Variants in BYSL observed in about 807,000 individuals in gnomAD.
The protein encoded by BYSL is bystin like, also known as bystin.
A neutral mutation model predicts 45.4 loss-of-function variants in BYSL; 21 were observed. That is an observed-to-expected ratio of 0.46 (90% CI 0.33 to 0.67). The LOEUF is 0.67. Ranked by LOEUF, BYSL falls within the 30% of genes least tolerant of loss-of-function variation. The pLI is 0.02. For synonymous variants in BYSL, 215 were observed against 231.3 expected, an observed-to-expected ratio of 0.93 and a Z score of 0.64; for missense variants, 522 against 578.5, an observed-to-expected ratio of 0.90 and a Z score of 1.00.
intron 1 of BYSL, 126 bp downstream of exon 1, chr6:41,921,956 G>C (rs1321248269): frequency 2.2e-6 from 3 of 1,349,550 alleles, no homozygotes; most frequent in Admixed American, 2.8e-5. Flanking sequence ...ACTTGCAAAG[G>C]AGACTGAACC....
chr6:41,922,279 A>G (rs1775495541), intron 1 of BYSL, among the ~76,000 whole-genome samples: 1 of 152,264 alleles, frequency 6.6e-6, no homozygotes, highest in Non-Finnish European at 1.5e-5. Flanking sequence ...CCTGGTAACA[A>G]TAGCATTGGT....
upstream of BYSL, among the ~76,000 whole-genome samples, chr6:41,918,641 G>A (rs551358611): frequency 3.5e-3 from 524 of 149,546 alleles, no homozygotes; most frequent in Non-Finnish European, 5.8e-3. Context: ...GTGAAACCCC[G>A]TCTCTACCAA....
chr6:41,926,529 C>T (rs2127385289), intron 1 of BYSL, among the ~76,000 whole-genome samples: 2 of 152,032 alleles, frequency 1.3e-5, no homozygotes, highest in East Asian at 4.0e-4. Flanking sequence ...TGGCTCACTG[C>T]AACCTCCACC....
Position 41,930,787 on chromosome 6 carries a change from C to CG in BYSL, c.704+24dup. 1.2e-6 allele frequency: 2 copies of CG among 1,606,498 alleles called. No individual in the cohort carries two copies. The highest frequency in any genetic ancestry group is 1.7e-6 in the Non-Finnish European group (2 of 1,177,342). On this transcript the variant is annotated intron_variant, in intron 4 of 6. Coordinates refer to ENST00000230340, the MANE Select transcript of BYSL (RefSeq NM_004053.4). ...CCACCAGGTAGAGTAGCTGGGGGTT[C>CG]GGGGGCCTTGGGTTTATAGGTGCAG...
upstream of BYSL, among the ~76,000 whole-genome samples, chr6:41,917,265 T>C (rs918050501): frequency 2.0e-5 from 3 of 152,036 alleles, no homozygotes; most frequent in African/African-American, 7.3e-5. Flanking sequence ...CTGGGCGTGG[T>C]AGCGGACGCC....
At chr6:41,925,546 G>T (rs2127385024) in intron 1 of BYSL, among the ~76,000 whole-genome samples, 1 of 151,932 alleles carries the variant, frequency 6.6e-6, no homozygotes, top group East Asian at 1.9e-4. Context: ...TGTATTTTTA[G>T]TAGAGACGGG....
intron 2 of BYSL, chr6:41,927,775 A>C (rs1408805632): frequency 2.2e-6 from 1 of 459,722 alleles, no homozygotes; most frequent in East Asian, 4.0e-5. Flanking sequence ...TTGCCAGGGA[A>C]ACAGTTCCAG....
At chr6:41,929,620 T>C (rs1291742734) in intron 2 of BYSL, among the ~76,000 whole-genome samples, 1 of 152,202 alleles carries the variant, frequency 6.6e-6, no homozygotes, top group Non-Finnish European at 1.5e-5. Context: ...AACAATACTG[T>C]TTAAGGAGGC....
At chr6:41,921,024 C>A (rs183725849), upstream of BYSL, 255 of 1,613,004 alleles carry the variant, frequency 1.6e-4, 3 homozygotes, top group East Asian at 4.8e-3. Context: ...CCCATGGCGT[C>A]GGGCCAGGAA....
the BYSL span, chr6:41,909,106 C>G: frequency 1.1e-6 from 1 of 885,144 alleles, no homozygotes; most frequent in Non-Finnish European, 1.7e-6. Flanking sequence ...CCCTGGAGGT[C>G]GAGGCTACAG....
At chr6:41,924,808 C>A (rs546493457) in intron 1 of BYSL, among the ~76,000 whole-genome samples, 2 of 152,252 alleles carry the variant, frequency 1.3e-5, no homozygotes, top group African/African-American at 4.8e-5. Context: ...AACATAGAGA[C>A]CAGTGGGCGA....
rs1334135214 is a variant in BYSL at position 41,930,312 on chromosome 6, G to A, written c.570+42G>A. 6 of 1,589,892 alleles carry A rather than the reference G, an allele frequency of 3.8e-6. No individual in the cohort carries two copies. In the South Asian group the frequency reaches 4.5e-5, roughly 12 times the overall value. On this transcript the variant is annotated intron_variant, in intron 3 of 6. Transcript: ENST00000230340. ...GAGCCATGGTGGAAGACCCCTTTGG[G>A]GGCTGTGGGCTCCTGCCACAGGCTT...
At position 41,921,725 on chromosome 6, in the gene BYSL, A is replaced by G. The variant is rs778763224; in HGVS notation, c.163A>G (p.Ser55Gly). Reference sequence around the variant, plus strand: ...GGAAGAGTATGTGGGGCCCCGGCTGAGCCGACGGATTTTGCAGCAAGCACG... The same window carrying G: ...GGAAGAGTATGTGGGGCCCCGGCTGGGCCGACGGATTTTGCAGCAAGCACG... ...AEEEYVGPRL[S>G]RRILQQARQQ... Residue 55 changes from serine to glycine, a missense_variant, in exon 1 of 7, where the codon AGC becomes GGC. Coordinates refer to ENST00000230340, the MANE Select transcript of BYSL (RefSeq NM_004053.4). 5 of 1,613,500 alleles carry G rather than the reference A, an allele frequency of 3.1e-6. No individual in the cohort carries two copies. The highest frequency in any genetic ancestry group is 4.2e-6 in the Non-Finnish European group (5 of 1,179,874).
intron 1 of BYSL, among the ~76,000 whole-genome samples, chr6:41,923,387 C>G (rs1297150237): frequency 6.6e-6 from 1 of 151,880 alleles, no homozygotes; most frequent in Non-Finnish European, 1.5e-5. Flanking sequence ...ACCTCTGCCA[C>G]CTAGGTCCAA....
chr6:41,910,420 T>G, the BYSL span, among the ~76,000 whole-genome samples: 4 of 151,526 alleles, frequency 2.6e-5, no homozygotes, highest in African/African-American at 9.7e-5. Flanking sequence ...TCACTTGAGG[T>G]CAGGAGTTCC....
chr6:41,931,893 A>G, intron 6 of BYSL, 63 bp downstream of exon 6: 1 of 1,486,370 alleles, frequency 6.7e-7, no homozygotes, highest in Non-Finnish European at 9.4e-7. Context: ...AATTGCCAGG[A>G]CTTGGGAATG....
At position 41,930,743 on chromosome 6, in the gene BYSL, G is replaced by A; in HGVS notation, c.679G>A (p.Ala227Thr). The A allele has an allele frequency of 6.2e-7, 1 of 1,613,920 alleles. No individual in the cohort carries two copies. Among genetic ancestry groups the A allele is most frequent in the Non-Finnish European group, 8.5e-7 (1 of 1,179,914 alleles). ...CGTCACAGAGCCGGAGGCCTGGACT[G>A]CAGCTGCCATGTACCAGGCCACCAG... ...LYVTEPEAWT[A>T]AAMYQATRIF... Residue 227 changes from alanine to threonine, a missense_variant, in exon 4 of 7, where the codon GCA (alanine) becomes ACA (threonine). Coordinates refer to ENST00000230340, the MANE Select transcript of BYSL (RefSeq NM_004053.4).
chr6:41,927,790 CT>C, intron 2 of BYSL: 1 of 439,560 alleles, frequency 2.3e-6, no homozygotes. Context: ...TTCCAGGCCC[CT>C]TTTACACCTC....
chr6:41,921,930 A>G (rs1561942498), intron 1 of BYSL, 100 bp downstream of exon 1: 12 of 1,444,708 alleles, frequency 8.3e-6, no homozygotes, highest in Non-Finnish European at 1.0e-5. Context: ...CGAGTCAACA[A>G]AGGGGTCCGT....
Sources: gnomAD v4.1 joint callset for allele counts (sites outside exome capture counted in the v4.1 genomes callset) on GRCh38, gnomAD v4.1.1 for gene constraint, MANE v1.5 for transcripts, NCBI Gene and HGNC (gene_info 2026-07-23, HGNC 2026-07-21) for gene names.